Variants in MIB1 observed in about 807,000 individuals in gnomAD.
MIB1 encodes MIB E3 ubiquitin protein ligase 1.
MIB1 carries 278 observed loss-of-function variants against 124.5 expected under a neutral mutation model. The ratio of observed to expected loss-of-function variants is 2.23; its 90% CI spans 2.02 to 2.47. MIB1 has a LOEUF of 2.47. Ranked by LOEUF, MIB1 falls within the 30% of genes most tolerant of loss-of-function variation. The probability of loss-of-function intolerance (pLI) is 0.00; values close to 1 mark genes in which losing one functional copy is unlikely to be tolerated. For missense variants in MIB1, 957 were observed against 1,254.4 expected (o/e 0.76, Z 3.58); for synonymous variants, 446 against 429.4 (o/e 1.04, Z -0.48).
chr18:21,848,845 A>G (rs1031614656), intron 16 of MIB1, among the ~76,000 whole-genome samples: 3 of 151,972 alleles, frequency 2.0e-5, no homozygotes, highest in African/African-American at 7.2e-5. Flanking sequence ...TTTTATTCCT[A>G]TGCCTTCCTC....
intron 6 of MIB1, among the ~76,000 whole-genome samples, chr18:21,780,124 C>G (rs1195790530): frequency 6.6e-6 from 1 of 152,072 alleles, no homozygotes; most frequent in Non-Finnish European, 1.5e-5. Flanking sequence ...TATTGATACA[C>G]AAGAGGTGTA....
chr18:21,758,568 T>A (rs1228732360), intron 1 of MIB1, among the ~76,000 whole-genome samples: 1 of 151,912 alleles, frequency 6.6e-6, no homozygotes, highest in Non-Finnish European at 1.5e-5. Flanking sequence ...AGAGTCTCAC[T>A]CTGTCACCCA....
intron 1 of MIB1, chr18:21,705,187 A>T (rs2040613229): frequency 6.6e-6 from 1 of 152,384 alleles, no homozygotes; most frequent in Non-Finnish European, 1.5e-5. Flanking sequence ...GCAGGTAAGA[A>T]TCCCACATCC....
chr18:21,835,330 G>A (rs1181527499), intron 12 of MIB1, among the ~76,000 whole-genome samples: 1 of 152,092 alleles, frequency 6.6e-6, no homozygotes, highest in Non-Finnish European at 1.5e-5. Flanking sequence ...GGGGGCCATT[G>A]GGAAGAACAG....
intron 1 of MIB1, among the ~76,000 whole-genome samples, chr18:21,759,601 G>C (rs1276736239): frequency 6.6e-6 from 1 of 152,112 alleles, no homozygotes; most frequent in Non-Finnish European, 1.5e-5. Context: ...ATGTTGAATT[G>C]CGTGGCCGTT....
intron 18 of MIB1, among the ~76,000 whole-genome samples, chr18:21,853,933 C>T (rs893139678): frequency 2.1e-5 from 3 of 145,166 alleles, no homozygotes; most frequent in Admixed American, 7.2e-5. Flanking sequence ...GGCACAATCT[C>T]GGCTCACTGC....
rs1347292958 is a variant in MIB1, at chr18:21,799,870, T to C, written c.1267T>C (p.Phe423Leu). 1.2e-6 allele frequency: 2 copies of C among 1,611,500 alleles called. No homozygotes were observed. Among genetic ancestry groups the C allele is most frequent in the Non-Finnish European group, 1.7e-6 (2 of 1,178,360 alleles). Residue 423 changes from phenylalanine to leucine, a missense_variant, in exon 9 of 21, where the codon TTT (phenylalanine) becomes CTT (leucine). Physicochemically the swap from Phe to Leu is conservative, Grantham distance 22 (BLOSUM62 0). Coordinates refer to ENST00000261537, the MANE Select transcript of MIB1 (RefSeq NM_020774.4). Reference sequence around the variant, plus strand: ...ACTCTCACAACTCCTGAAGAAATTATTTGAAACCCAAGAATCTGGTGACCT... The same window carrying C: ...ACTCTCACAACTCCTGAAGAAATTACTTGAAACCCAAGAATCTGGTGACCT... ...ERLSQLLKKLFETQESGDLNE... is the reference protein window; with the variant it reads ...ERLSQLLKKLLETQESGDLNE...
intron 12 of MIB1, among the ~76,000 whole-genome samples, chr18:21,831,647 C>CA (rs2041983915): frequency 6.6e-6 from 1 of 150,496 alleles, no homozygotes; most frequent in South Asian, 2.1e-4. Context: ...TCCTGCCCCC[C>CA]ACTTTTTTTT....
chr18:21,860,144 A>G (rs374794673), intron 20 of MIB1, among the ~76,000 whole-genome samples: 11 of 108,304 alleles, frequency 1.0e-4, no homozygotes, highest in African/African-American at 3.9e-4. Flanking sequence ...ACTCTCACCC[A>G]GGCTGGAGTG....
intron 10 of MIB1, among the ~76,000 whole-genome samples, chr18:21,808,755 G>A (rs2041737289): frequency 6.6e-6 from 1 of 152,104 alleles, no homozygotes; most frequent in African/African-American, 2.4e-5. Context: ...TGATATAGGT[G>A]AGCTAATTTT....
At chr18:21,706,646 G>T (rs898270285) in intron 1 of MIB1, among the ~76,000 whole-genome samples, 1 of 152,192 alleles carries the variant, frequency 6.6e-6, no homozygotes, top group Non-Finnish European at 1.5e-5. Flanking sequence ...GGCCAGTGAG[G>T]GGCTTAGCAC....
chr18:21,732,223 G>C (rs960241732), intron 1 of MIB1, among the ~76,000 whole-genome samples: 1 of 151,886 alleles, frequency 6.6e-6, no homozygotes, highest in African/African-American at 2.4e-5. Context: ...AGCTACTAGG[G>C]AGGCTGAGGC....
chr18:21,847,908 C>T (rs1347939433), intron 16 of MIB1, among the ~76,000 whole-genome samples: 1 of 152,120 alleles, frequency 6.6e-6, no homozygotes, highest in Non-Finnish European at 1.5e-5. Context: ...CAAAAAGGTA[C>T]ACATCTCATT....
Position 21,779,658 on chromosome 18 carries a change from T to TTGTA in MIB1, c.882_885dup (p.Val296CysfsTer9), listed in dbSNP as rs1246764758. 6.2e-7 allele frequency: 1 copy of TTGTA among 1,614,102 alleles called. No individual in the cohort carries two copies. ...TGTGGCATTGATGAAGATCATGACA[T>TTGTA]TGTAGTACAGTATCCAAGTGGCAAT... On this transcript the variant is annotated frameshift_variant, in exon 6 of 21. Transcript: ENST00000261537. LOFTEE classifies it high-confidence loss of function.
At position 21,765,795 on chromosome 18, in the gene MIB1, T is replaced by C. The variant is rs1158123437; in HGVS notation, c.253T>C (p.Cys85Arg). 2 of 1,614,052 alleles carry C rather than the reference T, an allele frequency of 1.2e-6. No individual in the cohort carries two copies. Among genetic ancestry groups the C allele is most frequent in the Non-Finnish European group, 1.7e-6 (2 of 1,179,996 alleles). ...AGGCATCAAGCATGATGGAACCATG[T>C]GTGATACCTGCCGCCAGCAACCAAT... ...PTGIKHDGTM[C>R]DTCRQQPIIG... The change falls in exon 2 of 21, where the codon TGT (cysteine) becomes CGT (arginine). Residue 85 changes from cysteine to arginine, a missense_variant. Cys to Arg is a radical substitution (Grantham distance 180, BLOSUM62 -3). Transcript: ENST00000261537.
chr18:21,750,544 G>C (rs530168435), intron 1 of MIB1, among the ~76,000 whole-genome samples: 10 of 152,076 alleles, frequency 6.6e-5, no homozygotes, highest in Non-Finnish European at 1.2e-4. Context: ...AGCCATGATG[G>C]TCTCCATCTC....
chr18:21,710,827 ATTTTT>A (rs34702356), intron 1 of MIB1, among the ~76,000 whole-genome samples: 2 of 117,026 alleles, frequency 1.7e-5, no homozygotes, highest in Admixed American at 1.8e-4. Context: ...TAATTGACTG[ATTTTT>A]TTTTTTTTTT....
rs1211273962 is a variant in MIB1, at chr18:21,869,882, C to G, written c.*5216C>G. The G allele has an allele frequency of 1.3e-5, 2 of 151,992 alleles. No homozygotes were observed. The highest frequency in any genetic ancestry group is 2.9e-5 in the Non-Finnish European group (2 of 67,894). The allele number at this position is 151,992 out of a possible 1,614,324, so 9.4% of individuals were successfully genotyped here. On this transcript the variant is annotated 3_prime_UTR_variant, in exon 21 of 21. Coordinates refer to ENST00000261537, the MANE Select transcript of MIB1 (RefSeq NM_020774.4). ...CACAAATTGTATGTCATTCTTAATG[C>G]TAGTCTTATAGAATAAATCCATAAA...
At chr18:21,797,459 G>T (rs1364837122) in intron 7 of MIB1, among the ~76,000 whole-genome samples, 1 of 152,120 alleles carries the variant, frequency 6.6e-6, no homozygotes, top group Non-Finnish European at 1.5e-5. Flanking sequence ...GTATGTGTAT[G>T]TGGGGGTGAG....
Sources: gnomAD v4.1 joint callset for allele counts (sites outside exome capture counted in the v4.1 genomes callset) on GRCh38, gnomAD v4.1.1 for gene constraint, MANE v1.5 for transcripts, NCBI Gene and HGNC (gene_info 2026-07-23, HGNC 2026-07-21) for gene names.